ARMH3: variants seen among roughly 807,000 people sequenced by gnomAD.
ARMH3 encodes armadillo-like helical domain-containing protein 3.
Under a neutral mutation model 99.1 loss-of-function variants are expected in ARMH3, and 60 were observed. That is an observed-to-expected ratio of 0.61 (90% CI 0.49 to 0.75). ARMH3 has a LOEUF of 0.75. Ranked by LOEUF, ARMH3 falls within the 30% of genes least tolerant of loss-of-function variation. ARMH3 has a pLI of 0.00. For synonymous variants in ARMH3, 285 were observed against 292.8 expected, an observed-to-expected ratio of 0.97 and a Z score of 0.27; for missense variants, 679 against 843.1, an observed-to-expected ratio of 0.81 and a Z score of 2.41.
chr10:101,951,343 G>A (rs949905254), intron 22 of ARMH3, among the ~76,000 whole-genome samples: 8 of 152,168 alleles, frequency 5.3e-5, no homozygotes, highest in African/African-American at 1.7e-4. Context: ...GCCAAGGCAG[G>A]AGGATCGCTT....
intron 13 of ARMH3, among the ~76,000 whole-genome samples, chr10:102,007,833 C>CAAAAA (rs529858697): frequency 2.0e-5 from 1 of 48,966 alleles, no homozygotes; most frequent in Non-Finnish European, 4.2e-5. Context: ...ACACCATCTC[C>CAAAAA]AAAAAAAAAA....
At chr10:101,861,815 G>A (rs1290217249) in intron 24 of ARMH3, among the ~76,000 whole-genome samples, 2 of 144,718 alleles carry the variant, frequency 1.4e-5, no homozygotes, top group African/African-American at 5.1e-5. Flanking sequence ...GGTGGATCAC[G>A]AGGTCAGGAG....
Position 101,888,555 on chromosome 10 carries a change from G to A in ARMH3, c.1860+857C>T, listed in dbSNP as rs146965375. Among the ~76,000 whole-genome samples the A allele has an allele frequency of 5.5e-4, 84 of 152,322 alleles. 1 individual carries two copies. The highest frequency in any genetic ancestry group is 1.7e-3 in the African/African-American group (69 of 41,572). ...TGAAACACATGGTCAAATCATAGCTGGCTGGCTGGCTCTGCCAGCAAGAAG... is the reference window on the plus strand; with the variant it reads ...TGAAACACATGGTCAAATCATAGCTAGCTGGCTGGCTCTGCCAGCAAGAAG... On this transcript the variant is annotated intron_variant, in intron 24 of 25. Coordinates refer to ENST00000370033, the MANE Select transcript of ARMH3 (RefSeq NM_024541.3).
chr10:101,976,017 G>T (rs1006814941), intron 19 of ARMH3, among the ~76,000 whole-genome samples: 2 of 148,506 alleles, frequency 1.3e-5, no homozygotes, highest in Non-Finnish European at 3.0e-5. Flanking sequence ...TTAGCGGGGT[G>T]TGGTGGCGGG....
At chr10:101,962,572 A>G (rs1845345769) in intron 20 of ARMH3, among the ~76,000 whole-genome samples, 1 of 152,216 alleles carries the variant, frequency 6.6e-6, no homozygotes, top group African/African-American at 2.4e-5. Flanking sequence ...ATATTATGTA[A>G]AGCACTTAAA....
chr10:101,891,699 T>C (rs1251103204), intron 23 of ARMH3, among the ~76,000 whole-genome samples: 1 of 152,252 alleles, frequency 6.6e-6, no homozygotes, highest in Non-Finnish European at 1.5e-5. Flanking sequence ...TTGATACATG[T>C]ACCTTGGTGA....
intron 23 of ARMH3, among the ~76,000 whole-genome samples, chr10:101,902,490 T>C (rs767292707): frequency 2.0e-5 from 3 of 152,100 alleles, no homozygotes; most frequent in Non-Finnish European, 4.4e-5. Context: ...ATGTCACTTG[T>C]GGCACTTCTG....
chr10:101,962,254 A>G (rs1845329410), intron 20 of ARMH3, among the ~76,000 whole-genome samples: 1 of 152,194 alleles, frequency 6.6e-6, no homozygotes, highest in Non-Finnish European at 1.5e-5. Context: ...CCATGGGCCC[A>G]TACTCCACAT....
chr10:101,956,249 T>C (rs1249795461), intron 22 of ARMH3, among the ~76,000 whole-genome samples: 1 of 152,176 alleles, frequency 6.6e-6, no homozygotes, highest in South Asian at 2.1e-4. Context: ...AATTACACAA[T>C]GTTCTGGGAT....
intron 23 of ARMH3, among the ~76,000 whole-genome samples, chr10:101,919,003 A>C (rs563659381): frequency 6.6e-6 from 1 of 152,216 alleles, no homozygotes; most frequent in East Asian, 1.9e-4. Context: ...AGTTTAGTCA[A>C]ATCTATAGAT....
rs558075936 is a variant in ARMH3 at position 101,873,167 on chromosome 10, G to A, written c.1860+16245C>T. ...GTCTGTAATCCCAGCACTTTGGGAG[G>A]CCGAGGTGGGCGGATCATGAGGTAA... On this transcript the variant is annotated intron_variant, in intron 24 of 25. Coordinates refer to ENST00000370033, the MANE Select transcript of ARMH3 (RefSeq NM_024541.3). Among the ~76,000 whole-genome samples, 6 of 151,148 alleles carry A rather than the reference G, an allele frequency of 4.0e-5. No homozygotes were observed. The South Asian group carries it at 1.3e-3, about 32-fold the overall frequency.
At chr10:101,956,467 G>A (rs1407867767) in intron 22 of ARMH3, 130 bp downstream of exon 22, 2 of 1,194,964 alleles carry the variant, frequency 1.7e-6, no homozygotes, top group African/African-American at 1.6e-5. Flanking sequence ...CTGAGAAGAG[G>A]AGACTACTAT....
At chr10:102,032,006 C>T (rs961717981) in intron 4 of ARMH3, among the ~76,000 whole-genome samples, 1 of 152,012 alleles carries the variant, frequency 6.6e-6, no homozygotes, top group Non-Finnish European at 1.5e-5. Flanking sequence ...CCAAAGTGCT[C>T]GGATTACAGG....
At chr10:101,991,050 C>G (rs1038146399) in intron 18 of ARMH3, among the ~76,000 whole-genome samples, 5 of 152,172 alleles carry the variant, frequency 3.3e-5, no homozygotes, top group Non-Finnish European at 7.3e-5. Context: ...TACTATCATG[C>G]TCAGTTAGAC....
chr10:102,029,275 A>G (rs1201558777), intron 5 of ARMH3, among the ~76,000 whole-genome samples: 1 of 152,240 alleles, frequency 6.6e-6, no homozygotes, highest in African/African-American at 2.4e-5. Context: ...TTCTGATAAA[A>G]TCAAAGTAAT....
chr10:101,849,972 G>T, intron 24 of ARMH3, 80 bp from the exon 25 acceptor site: 1 of 1,306,698 alleles, frequency 7.7e-7, no homozygotes. Flanking sequence ...GATCTACTGG[G>T]TTGGGTTTGG....
intron 19 of ARMH3, among the ~76,000 whole-genome samples, chr10:101,984,064 C>A (rs1292169115): frequency 6.6e-6 from 1 of 152,146 alleles, no homozygotes; most frequent in East Asian, 1.9e-4. Context: ...CTATCTGCTA[C>A]AGAACTGATT....
At chr10:102,023,443 C>T (rs11191187) in intron 8 of ARMH3, 34 bp downstream of exon 8, 2 of 1,569,050 alleles carry the variant, frequency 1.3e-6, no homozygotes, top group Non-Finnish European at 1.7e-6. Context: ...AGATTATAGG[C>T]AGATAACAAC....
In ARMH3 at chr10:102,013,695, G is replaced by T. The variant is rs541608108; in HGVS notation, c.726+273C>A. Among the ~76,000 whole-genome samples the T allele has an allele frequency of 3.3e-5, 5 of 152,204 alleles. No individual in the cohort carries two copies. In the South Asian group the frequency reaches 1.0e-3, roughly 32 times the overall value. On this transcript the variant is annotated intron_variant, in intron 9 of 25. Coordinates refer to ENST00000370033, the MANE Select transcript of ARMH3 (RefSeq NM_024541.3). ...AATGTGTAATTTATTGACATCGTAG[G>T]ATAATCAACTTCAGCACACTATAAC...
Sources: allele counts gnomAD v4.1 joint callset (sites outside exome capture counted in the v4.1 genomes callset), GRCh38; gene constraint gnomAD v4.1.1; transcripts MANE v1.5; gene names NCBI Gene and HGNC (gene_info 2026-07-23, HGNC 2026-07-21).